TRIM49: variants seen among roughly 807,000 people sequenced by gnomAD.
TRIM49 encodes tripartite motif-containing protein 49.
A neutral mutation model predicts 27.4 loss-of-function variants in TRIM49; 5 were observed. The ratio of observed to expected loss-of-function variants is 0.18; its 90% CI spans 0.10 to 0.38. The LOEUF is 0.38. Ranked by LOEUF, TRIM49 falls within the 10% of genes least tolerant of loss-of-function variation. TRIM49 has a pLI of 1.00. For missense variants in TRIM49, 188 were observed against 487.5 expected (o/e 0.39, Z 5.79); for synonymous variants, 69 against 166.0 (o/e 0.42, Z 4.49).
Position 89,805,689 on chromosome 11 carries a change from T to C in TRIM49, c.-4-1216A>G, listed in dbSNP as rs550707549. Among the ~76,000 whole-genome samples the C allele has an allele frequency of 8.0e-5, 12 of 149,716 alleles. No individual in the cohort carries two copies. The East Asian group carries it at 2.4e-3, about 29-fold the overall frequency. On this transcript the variant is annotated intron_variant, in intron 2 of 7. Transcript: ENST00000329758. ...ATAGCTTGTGGACAGATGTATGTTC[T>C]GAGAAATGTGTCAGGTGTTTTTAGT...
downstream of TRIM49, among the ~76,000 whole-genome samples, chr11:89,792,657 C>G (rs1377417678): frequency 2.0e-5 from 3 of 152,034 alleles, no homozygotes; most frequent in Non-Finnish European, 2.9e-5. Context: ...GGGTACATAA[C>G]GAAATGAAGG....
intron 6 of TRIM49, among the ~76,000 whole-genome samples, chr11:89,800,559 T>C (rs1241154692): frequency 1.3e-5 from 2 of 150,812 alleles, no homozygotes; most frequent in Admixed American, 1.3e-4. Flanking sequence ...CTGGCTAACA[T>C]GGTGAAACCC....
At chr11:89,768,600 G>A in the TRIM49 span, among the ~76,000 whole-genome samples, 4 of 135,516 alleles carry the variant, frequency 3.0e-5, 1 homozygote, top group African/African-American at 1.4e-4. Flanking sequence ...AAACCCCTGA[G>A]TCACTTGGAA....
the TRIM49 span, among the ~76,000 whole-genome samples, chr11:89,767,766 A>G: frequency 1.5e-5 from 2 of 134,340 alleles, no homozygotes; most frequent in East Asian, 4.2e-4. Flanking sequence ...AATGCACGTG[A>G]TTAAAATTAT....
At chr11:89,800,231 A>C (rs1330010399) in intron 6 of TRIM49, among the ~76,000 whole-genome samples, 3 of 151,430 alleles carry the variant, frequency 2.0e-5, no homozygotes, top group Non-Finnish European at 4.4e-5. Flanking sequence ...TTAGCAAAGA[A>C]CTTCCCTAGA....
At chr11:89,769,418 C>A in the TRIM49 span, among the ~76,000 whole-genome samples, 1 of 136,888 alleles carries the variant, frequency 7.3e-6, no homozygotes, top group Non-Finnish European at 1.5e-5. Flanking sequence ...GAGTGTCATG[C>A]CATGTTAGAC....
At chr11:89,800,024 C>CTTT (rs766181875) in intron 6 of TRIM49, among the ~76,000 whole-genome samples, 1 of 135,196 alleles carries the variant, frequency 7.4e-6, no homozygotes, top group Non-Finnish European at 1.6e-5. Flanking sequence ...TCTGATCCTT[C>CTTT]TTTTTTTTTT....
At chr11:89,788,006 C>G in the TRIM49 span, among the ~76,000 whole-genome samples, 2 of 146,054 alleles carry the variant, frequency 1.4e-5, no homozygotes, top group African/African-American at 5.4e-5. Flanking sequence ...TGACACCAGC[C>G]ACCCTAGCAA....
chr11:89,793,284 A>T (rs1333128070), downstream of TRIM49, among the ~76,000 whole-genome samples: 3 of 152,106 alleles, frequency 2.0e-5, no homozygotes, highest in Non-Finnish European at 4.4e-5. Context: ...ATGGATTCAC[A>T]GCTGACTTCT....
downstream of TRIM49, among the ~76,000 whole-genome samples, chr11:89,793,371 T>C (rs1467687592): frequency 6.6e-6 from 1 of 152,168 alleles, no homozygotes. Context: ...GAATCCTCCC[T>C]AACTCATTTT....
At chr11:89,784,983 C>G in the TRIM49 span, among the ~76,000 whole-genome samples, 223 of 150,012 alleles carry the variant, frequency 1.5e-3, 2 homozygotes, top group Non-Finnish European at 2.7e-3. Context: ...CCAAGAATTA[C>G]TTACAATTGA....
chr11:89,793,921 T>G (rs1248007479), downstream of TRIM49, among the ~76,000 whole-genome samples: 2 of 151,456 alleles, frequency 1.3e-5, no homozygotes, highest in African/African-American at 4.8e-5. Context: ...TAAAGGGTAT[T>G]CAATTAGGAA....
At chr11:89,805,767 A>T (rs914121491) in intron 2 of TRIM49, among the ~76,000 whole-genome samples, 14 of 148,266 alleles carry the variant, frequency 9.4e-5, no homozygotes, top group Non-Finnish European at 1.3e-4. Context: ...ACGCAGGCTG[A>T]AATGCAGTGG....
At chr11:89,784,939 A>G in the TRIM49 span, among the ~76,000 whole-genome samples, 1 of 149,146 alleles carries the variant, frequency 6.7e-6, no homozygotes, top group Non-Finnish European at 1.5e-5. Context: ...TTCATTTATT[A>G]TCTTCATCTG....
chr11:89,782,101 A>G, the TRIM49 span: 373 of 1,550,638 alleles, frequency 2.4e-4, no homozygotes, highest in African/African-American at 4.2e-3. Flanking sequence ...GAGTCTGTCG[A>G]GATTCCAGAA....
At chr11:89,800,525 C>T (rs1209087493) in intron 6 of TRIM49, among the ~76,000 whole-genome samples, 2 of 151,176 alleles carry the variant, frequency 1.3e-5, no homozygotes, top group Non-Finnish European at 2.9e-5. Context: ...GGGCGGATCA[C>T]GGGGTCAGGA....
At chr11:89,769,826 A>C in the TRIM49 span, among the ~76,000 whole-genome samples, 6,802 of 92,774 alleles carry the variant, frequency 0.073, 186 homozygotes, top group East Asian at 0.16. Flanking sequence ...CACAGGAGAG[A>C]AACTCAGCAG....
the TRIM49 span, chr11:89,785,800 CTT>C: frequency 6.9e-6 from 1 of 145,062 alleles, no homozygotes; most frequent in Non-Finnish European, 1.5e-5. Flanking sequence ...TAAAAACAAA[CTT>C]AATAATGTAA....
chr11:89,800,692 G>C (rs1426186543), intron 6 of TRIM49, among the ~76,000 whole-genome samples: 2 of 150,354 alleles, frequency 1.3e-5, no homozygotes, highest in Non-Finnish European at 3.0e-5. Flanking sequence ...TCAGTGAGCC[G>C]AGATGGCGCC....
Sources: gnomAD v4.1 joint callset for allele counts (sites outside exome capture counted in the v4.1 genomes callset) on GRCh38, gnomAD v4.1.1 for gene constraint, MANE v1.5 for transcripts, NCBI Gene and HGNC (gene_info 2026-07-23, HGNC 2026-07-21) for gene names.